NRG1: variants seen among roughly 807,000 people sequenced by gnomAD.
The protein encoded by NRG1 is neuregulin 1.
Under a neutral mutation model 63.8 loss-of-function variants are expected in NRG1, and 18 were observed. The ratio of observed to expected loss-of-function variants is 0.28; its 90% CI spans 0.19 to 0.42. The LOEUF is 0.42. NRG1 is among the 10% of genes least tolerant of loss of function. The pLI is 1.00. For synonymous variants in NRG1, 302 were observed against 301.3 expected (o/e 1.00, Z -0.02); for missense variants, 762 against 814.7 (o/e 0.94, Z 0.79).
chr8:32,407,184 A>G (rs1814108165), intron 1 of NRG1, among the ~76,000 whole-genome samples: 1 of 150,480 alleles, frequency 6.6e-6, no homozygotes, highest in Non-Finnish European at 1.5e-5. Flanking sequence ...CTATAAAATT[A>G]GTGTACAAAT....
chr8:32,169,213 C>A (rs1293066486), intron 1 of NRG1, among the ~76,000 whole-genome samples: 1 of 152,172 alleles, frequency 6.6e-6, no homozygotes, highest in Non-Finnish European at 1.5e-5. Flanking sequence ...AGTCACATGG[C>A]CAACTGATGT....
chr8:32,101,437 G>T (rs1032819688), intron 1 of NRG1, among the ~76,000 whole-genome samples: 7 of 151,768 alleles, frequency 4.6e-5, no homozygotes, highest in African/African-American at 1.7e-4. Flanking sequence ...CGAGAAGGAG[G>T]CCAGCAGTCT....
intron 1 of NRG1, among the ~76,000 whole-genome samples, chr8:32,581,565 C>T (rs989089211): frequency 9.2e-5 from 14 of 152,062 alleles, no homozygotes; most frequent in Admixed American, 7.2e-4. Flanking sequence ...CTTCCAGGAG[C>T]CTCTGTCTCC....
chr8:32,176,645 AC>A (rs1840767066), intron 1 of NRG1, among the ~76,000 whole-genome samples: 2 of 152,154 alleles, frequency 1.3e-5, no homozygotes, highest in Non-Finnish European at 2.9e-5. Flanking sequence ...AAAACAAACA[AC>A]CCCATCAAAA....
At chr8:32,561,069 C>G (rs1836302195) in intron 1 of NRG1, among the ~76,000 whole-genome samples, 1 of 152,126 alleles carries the variant, frequency 6.6e-6, no homozygotes, top group Admixed American at 6.5e-5. Flanking sequence ...CGAATCTCAT[C>G]TTTTTAGTTG....
chr8:32,154,880 A>G (rs1046221037), intron 1 of NRG1, among the ~76,000 whole-genome samples: 1 of 152,228 alleles, frequency 6.6e-6, no homozygotes, highest in African/African-American at 2.4e-5. Flanking sequence ...AATCATTTGT[A>G]GAACCATAAT....
chr8:31,963,905 G>A (rs1805889475), intron 1 of NRG1, among the ~76,000 whole-genome samples: 1 of 152,200 alleles, frequency 6.6e-6, no homozygotes, highest in South Asian at 2.1e-4. Context: ...AGGAAATTGA[G>A]ATCAGGCTGT....
intron 1 of NRG1, among the ~76,000 whole-genome samples, chr8:32,591,851 A>G (rs919929510): frequency 2.0e-5 from 3 of 152,112 alleles, no homozygotes; most frequent in Admixed American, 6.6e-5. Flanking sequence ...TATGCTTATT[A>G]CTTGGACGAT....
At chr8:31,954,248 G>C (rs554172622) in intron 1 of NRG1, among the ~76,000 whole-genome samples, 1 of 152,110 alleles carries the variant, frequency 6.6e-6, no homozygotes, top group South Asian at 2.1e-4. Flanking sequence ...CCCATTTAGA[G>C]GTGAAGACAC....
intron 1 of NRG1, among the ~76,000 whole-genome samples, chr8:32,002,393 T>A (rs1813078066): frequency 1.3e-5 from 2 of 152,034 alleles, no homozygotes; most frequent in Admixed American, 1.3e-4. Flanking sequence ...TTTATTTACA[T>A]CAATATAGGC....
intron 1 of NRG1, among the ~76,000 whole-genome samples, chr8:31,856,646 T>C (rs925479316): frequency 3.9e-5 from 6 of 152,228 alleles, no homozygotes; most frequent in African/African-American, 1.4e-4. Flanking sequence ...CTTTGTTCCG[T>C]TGCTGGTGAG....
Position 32,463,233 on chromosome 8 carries a change from T to C in NRG1, c.38-132595T>C, listed in dbSNP as rs536772492. Among the ~76,000 whole-genome samples, 3 of 152,306 alleles carry C rather than the reference T, an allele frequency of 2.0e-5. No individual in the cohort carries two copies. In the South Asian group the frequency reaches 6.2e-4, roughly 32 times the overall value. Reference sequence around the variant, plus strand: ...TCTTAGGTTGTTTTCATATCTTGGCTATTGTGAATAATGCTGCAATGAACG... The same window carrying C: ...TCTTAGGTTGTTTTCATATCTTGGCCATTGTGAATAATGCTGCAATGAACG... On this transcript the variant is annotated intron_variant, in intron 1 of 10. Coordinates refer to the NRG1 transcript ENST00000519301.
At chr8:31,999,030 A>T (rs1812488335) in intron 1 of NRG1, among the ~76,000 whole-genome samples, 1 of 151,792 alleles carries the variant, frequency 6.6e-6, no homozygotes, top group Admixed American at 6.6e-5. Flanking sequence ...AAAATCAGAT[A>T]CTTGGTATAT....
chr8:32,322,089 G>T (rs1452466415), intron 1 of NRG1, among the ~76,000 whole-genome samples: 2 of 151,816 alleles, frequency 1.3e-5, no homozygotes, highest in African/African-American at 2.4e-5. Context: ...GAGATGGGAA[G>T]ATCACTTGAG....
intron 1 of NRG1, among the ~76,000 whole-genome samples, chr8:31,934,246 G>A (rs1835100679): frequency 1.3e-5 from 2 of 151,896 alleles, no homozygotes; most frequent in East Asian, 1.9e-4. Context: ...TGTGGCTTAC[G>A]TACACTTGCT....
intron 1 of NRG1, among the ~76,000 whole-genome samples, chr8:32,107,394 A>G (rs1200163249): frequency 6.6e-6 from 1 of 152,198 alleles, no homozygotes; most frequent in Non-Finnish European, 1.5e-5. Context: ...AATGATAGCT[A>G]TTTCTCACTT....
rs111673514 is a variant in NRG1 at position 32,383,404 on chromosome 8, T to C, written c.38-212424T>C. Among the ~76,000 whole-genome samples, 381 of 152,290 alleles carry C rather than the reference T, an allele frequency of 2.5e-3. 3 individuals carry two copies. The highest frequency in any genetic ancestry group is 8.9e-3 in the African/African-American group (370 of 41,566). ...GGTTATTTTCTCTCTAGACCCGTCA[T>C]TGAGGGTAGCCACCAGAGGGCTACC... On this transcript the variant is annotated intron_variant, in intron 1 of 10. Coordinates refer to the NRG1 transcript ENST00000519301.
intron 1 of NRG1, among the ~76,000 whole-genome samples, chr8:32,573,559 G>A (rs1369670589): frequency 1.3e-5 from 2 of 152,072 alleles, no homozygotes; most frequent in East Asian, 3.8e-4. Flanking sequence ...ATGTTCTCCA[G>A]CCAGTTCTGT....
intron 1 of NRG1, among the ~76,000 whole-genome samples, chr8:31,993,340 G>A (rs1381814183): frequency 6.6e-6 from 1 of 151,900 alleles, no homozygotes; most frequent in Non-Finnish European, 1.5e-5. Context: ...GTAATCCCTT[G>A]TTCTGCTTTG....
Sources: gnomAD v4.1 joint callset for allele counts (sites outside exome capture counted in the v4.1 genomes callset) on GRCh38, gnomAD v4.1.1 for gene constraint, MANE v1.5 for transcripts, NCBI Gene and HGNC (gene_info 2026-07-23, HGNC 2026-07-21) for gene names.